Variants in SOX5 observed in about 807,000 individuals in gnomAD.
SOX5 encodes the protein SRY-box transcription factor 5.
Under a neutral mutation model 92.0 loss-of-function variants are expected in SOX5, and 9 were observed. That is an observed-to-expected ratio of 0.10 (90% CI 0.06 to 0.17). SOX5 has a LOEUF of 0.17. Among genes scored for constraint, SOX5 ranks in the 10% least tolerant of loss-of-function variants. SOX5 has a pLI of 1.00. For synonymous variants in SOX5, 344 were observed against 336.3 expected (o/e 1.02, Z -0.25); for missense variants, 642 against 944.5 (o/e 0.68, Z 4.20).
At chr12:23,830,231 T>C (rs1464993877) in intron 3 of SOX5, among the ~76,000 whole-genome samples, 1 of 152,164 alleles carries the variant, frequency 6.6e-6, no homozygotes, top group Admixed American at 6.6e-5. Flanking sequence ...TGAGGGTGTC[T>C]TCTTGTCCTG....
chr12:23,849,056 C>T (rs906350935), intron 2 of SOX5, among the ~76,000 whole-genome samples: 22 of 152,142 alleles, frequency 1.4e-4, no homozygotes, highest in African/African-American at 5.3e-4. Context: ...GCTATGAACA[C>T]GTCGAAAGAA....
At chr12:24,219,176 T>C (rs1959789873) in intron 3 of SOX5, among the ~76,000 whole-genome samples, 1 of 151,814 alleles carries the variant, frequency 6.6e-6, no homozygotes, top group Admixed American at 6.6e-5. Flanking sequence ...AGAGGGGGAA[T>C]AAGAAGGGGA....
At chr12:24,021,746 C>G (rs1296283456) in intron 4 of SOX5, among the ~76,000 whole-genome samples, 3 of 152,108 alleles carry the variant, frequency 2.0e-5, no homozygotes, top group Non-Finnish European at 4.4e-5. Flanking sequence ...TACGCTTTGT[C>G]AGAGAGATGC....
At chr12:24,365,170 T>C (rs1956040928) in intron 2 of SOX5, among the ~76,000 whole-genome samples, 1 of 152,076 alleles carries the variant, frequency 6.6e-6, no homozygotes, top group African/African-American at 2.4e-5. Flanking sequence ...TGACACACTG[T>C]AACGTCTTTA....
chr12:24,311,516 A>G (rs1949176464), intron 2 of SOX5, among the ~76,000 whole-genome samples: 2 of 152,188 alleles, frequency 1.3e-5, no homozygotes, highest in Admixed American at 1.3e-4. Context: ...GAGGAATAGG[A>G]TTGAACATTA....
chr12:24,248,282 G>A (rs555440445), intron 3 of SOX5, among the ~76,000 whole-genome samples: 245 of 152,274 alleles, frequency 1.6e-3, no homozygotes, highest in African/African-American at 5.2e-3. Context: ...GGCTTCCCAA[G>A]ACCACCACAC....
intron 3 of SOX5, among the ~76,000 whole-genome samples, chr12:23,761,526 C>A (rs1307320776): frequency 6.6e-6 from 1 of 151,978 alleles, no homozygotes; most frequent in Non-Finnish European, 1.5e-5. Flanking sequence ...TGGTTTAGAC[C>A]AAACTTTTCA....
intron 1 of SOX5, among the ~76,000 whole-genome samples, chr12:24,505,874 C>CGCGCGTGTGTGTGTGTGTGTGT (rs368183832): frequency 1.1e-4 from 16 of 148,120 alleles, no homozygotes; most frequent in African/African-American, 3.0e-4. Context: ...TGTGTGTGTG[C>CGCGCGTGTGTGTGTGTGTGTGT]GCATCACTGC....
intron 1 of SOX5, among the ~76,000 whole-genome samples, chr12:24,531,802 T>C (rs889254326): frequency 3.9e-5 from 6 of 152,188 alleles, no homozygotes; most frequent in African/African-American, 1.2e-4. Flanking sequence ...TTTTCAAATA[T>C]AAAGCCTTCC....
rs577132778 is a variant in SOX5, at chr12:24,324,978, A to G, written c.-174+43585T>C. On this transcript the variant is annotated intron_variant, in intron 2 of 4. Transcript: ENST00000446891. ...TTTTTCCTTAAACTACAAACCAGAA[A>G]TTAATAAACATATGAGGCACCAAGA... Among the ~76,000 whole-genome samples, 21 of 152,270 alleles carry G rather than the reference A, an allele frequency of 1.4e-4. No individual in the cohort carries two copies. In the East Asian group the frequency reaches 3.1e-3, roughly 22 times the overall value.
In SOX5 at chr12:24,435,891, T is replaced by G. The variant is rs145744102; in HGVS notation, c.-250-67252A>C. 2.9e-3 allele frequency among the ~76,000 whole-genome samples: 449 copies of G among 152,328 alleles called. 12 individuals are homozygous for G. The East Asian group carries it at 0.035, about 12-fold the overall frequency. On this transcript the variant is annotated intron_variant, in intron 1 of 4. Transcript: ENST00000446891. ...TGTCACAGTTTGGTAATTCTCAAAC[T>G]ATTTCAAACTTTTTCATTATTATTA...
At chr12:24,423,475 C>A (rs149068325) in intron 1 of SOX5, among the ~76,000 whole-genome samples, 2 of 152,278 alleles carry the variant, frequency 1.3e-5, no homozygotes, top group East Asian at 3.9e-4. Flanking sequence ...GGCTCAAAGA[C>A]GGGTTTTCAT....
intron 4 of SOX5, among the ~76,000 whole-genome samples, chr12:24,160,736 C>T (rs1952671299): frequency 6.6e-6 from 1 of 151,804 alleles, no homozygotes; most frequent in Admixed American, 6.6e-5. Flanking sequence ...TTTTTATGGC[C>T]CAAACTGAAC....
chr12:24,556,610 A>G (rs1953810336), intron 1 of SOX5, among the ~76,000 whole-genome samples: 1 of 152,232 alleles, frequency 6.6e-6, no homozygotes, highest in African/African-American at 2.4e-5. Context: ...ATAAATTTTC[A>G]CTAGTTCATA....
At chr12:24,562,448 CTG>C (rs902873932) in exon 1 of SOX5, 5 of 151,952 alleles carry the variant, frequency 3.3e-5, no homozygotes, top group Non-Finnish European at 7.3e-5. Context: ...CTTTTTCACT[CTG>C]TGTGTGTGTG....
At chr12:24,175,989 A>AT (rs1480944227) in intron 4 of SOX5, among the ~76,000 whole-genome samples, 2 of 123,328 alleles carry the variant, frequency 1.6e-5, no homozygotes, top group Non-Finnish European at 3.8e-5. Flanking sequence ...ATCAAGATCC[A>AT]TTAAAAAAAA....
intron 8 of SOX5, among the ~76,000 whole-genome samples, chr12:23,626,119 A>G (rs891276490): frequency 7.9e-5 from 12 of 152,206 alleles, no homozygotes; most frequent in African/African-American, 2.9e-4. Flanking sequence ...AGAAAGAGAC[A>G]GAGAAACGGA....
At chr12:24,503,169 A>T (rs968973239) in intron 1 of SOX5, among the ~76,000 whole-genome samples, 21 of 152,160 alleles carry the variant, frequency 1.4e-4, no homozygotes, top group African/African-American at 5.1e-4. Context: ...TGATTGGCAG[A>T]AGCCAAACAA....
intron 6 of SOX5, 132 bp from the exon 7 acceptor site, chr12:23,665,696 T>A (rs1181300567): frequency 9.7e-7 from 1 of 1,029,884 alleles, no homozygotes; most frequent in African/African-American, 1.6e-5. Context: ...CTTGCTGGGA[T>A]ACTGGGCTTG....
Sources: allele counts gnomAD v4.1 joint callset (sites outside exome capture counted in the v4.1 genomes callset), GRCh38; gene constraint gnomAD v4.1.1; transcripts MANE v1.5; gene names NCBI Gene and HGNC (gene_info 2026-07-23, HGNC 2026-07-21).